Variants in GALP observed in about 807,000 individuals in gnomAD.
GALP encodes the protein galanin like peptide.
In GALP, 12 loss-of-function variants were observed where a neutral mutation model predicts 15.2. That is an observed-to-expected ratio of 0.79 (90% CI 0.51 to 1.28). GALP has a LOEUF of 1.28. Among genes scored for constraint, GALP ranks in the 50% most tolerant of loss-of-function variants. The pLI, the probability that GALP is intolerant of heterozygous loss-of-function variation, is 0.00. For missense variants in GALP, 161 were observed against 145.6 expected (o/e 1.11, Z -0.55); for synonymous variants, 58 against 55.1 (o/e 1.05, Z -0.23).
Position 56,176,082 on chromosome 19 carries a change from G to C in GALP, c.-40+20G>C. 6.0e-6 allele frequency: 1 copy of C among 167,800 alleles called. No homozygotes were observed. The highest frequency in any genetic ancestry group is 1.3e-5 in the Non-Finnish European group (1 of 78,246). The allele number at this position is 167,800 out of a possible 1,614,324, so 10.4% of individuals were successfully genotyped here. A position where few individuals can be genotyped will look rare whatever the true frequency, so the allele number is the denominator to read the frequency against. On this transcript the variant is annotated intron_variant, in intron 1 of 5. Coordinates refer to ENST00000357330, the MANE Select transcript of GALP (RefSeq NM_033106.4). ...AGCGGGGTGAGAGCCTAGGCCAGGA[G>C]GGCAGAGGGGCGGATCCCAGCTGCA...
chr19:56,182,266 G>A lies in GALP; in HGVS notation c.217+14G>A, dbSNP rs374359432. The stretch of plus-strand genomic sequence containing the variant: ...GGAAGGCCATCGGTGAGTGAGCGGG[G>A]AGTTAGACGTCTTCTCCTGCGTCCT... On this transcript the variant is annotated intron_variant, in intron 4 of 5. Transcript: ENST00000357330. 11 of 1,596,630 alleles carry A rather than the reference G, an allele frequency of 6.9e-6. No individual in the cohort carries two copies. The East Asian group carries it at 2.5e-4, about 36-fold the overall frequency.
rs3745833 is a variant in GALP, at chr19:56,182,251, C to G, written c.216C>G (p.Ile72Met). ...AGATCCTAGACCTGTGGAAGGCCAT[C>G]GGTGAGTGAGCGGGGAGTTAGACGT... is the stretch of plus-strand genomic sequence containing the variant. ...ALEILDLWKA[I>M]DGLPYSHPPQ... The change falls in exon 4 of 6, where the codon ATC becomes ATG. Residue 72 changes from isoleucine to methionine, a missense_variant and splice_region_variant. Transcript: ENST00000357330. 0.35 allele frequency: 563,340 copies of G among 1,608,358 alleles called. 100,043 individuals are homozygous for G. The highest frequency in any genetic ancestry group is 0.36 in the Non-Finnish European group (422,909 of 1,175,098).
intron 5 of GALP, among the ~76,000 whole-genome samples, chr19:56,184,374 C>T (rs1456581690): frequency 6.6e-6 from 1 of 152,146 alleles, no homozygotes; most frequent in Non-Finnish European, 1.5e-5. Flanking sequence ...CCTTCCCACC[C>T]AATCATGAGC....
At chr19:56,181,922 A>T (rs2032573310) in intron 3 of GALP, among the ~76,000 whole-genome samples, 1 of 152,084 alleles carries the variant, frequency 6.6e-6, no homozygotes, top group Non-Finnish European at 1.5e-5. Flanking sequence ...AGAACGTGAG[A>T]TGTGGACCCA....
Position 56,182,041 on chromosome 19 carries a change from C to T in GALP, c.137-131C>T. 9.9e-6 allele frequency: 7 copies of T among 703,546 alleles called. No individual in the cohort carries two copies. The South Asian group carries it at 1.1e-4, about 12-fold the overall frequency. The allele number at this position is 703,546 out of a possible 1,614,324, so 43.6% of individuals were successfully genotyped here. A position where few individuals can be genotyped will look rare whatever the true frequency, so the allele number is the denominator to read the frequency against. Reference sequence around the variant, plus strand: ...CCCACCGGTAGGTAGGGACGGTCAACACGCACCCCGTCCGACAGACTTGGT... The same window carrying T: ...CCCACCGGTAGGTAGGGACGGTCAATACGCACCCCGTCCGACAGACTTGGT... On this transcript the variant is annotated intron_variant, in intron 3 of 5. Transcript: ENST00000357330.
rs76950848 is a variant in GALP at position 56,185,463 on chromosome 19, A to G, written c.*193A>G. 943 of 491,292 alleles carry G rather than the reference A, an allele frequency of 1.9e-3. 1 individual carries two copies. Among genetic ancestry groups the G allele is most frequent in the Non-Finnish European group, 2.9e-3 (813 of 282,374 alleles). The allele number at this position is 491,292 out of a possible 1,614,324, so 30.4% of individuals were successfully genotyped here. A position where few individuals can be genotyped will look rare whatever the true frequency, so the allele number is the denominator to read the frequency against. On this transcript the variant is annotated 3_prime_UTR_variant, in exon 6 of 6. Transcript: ENST00000357330. Reference sequence around the variant, plus strand: ...TAGGTTTTATTGATTCATCCTTGAAATCAGTATAATGTGCTATTAATGGAA... The same window carrying G: ...TAGGTTTTATTGATTCATCCTTGAAGTCAGTATAATGTGCTATTAATGGAA...
intron 3 of GALP, among the ~76,000 whole-genome samples, chr19:56,180,915 CTTT>C (rs1174325788): frequency 0.012 from 487 of 40,082 alleles, 5 homozygotes; most frequent in African/African-American, 0.041. Flanking sequence ...TTCTTTCTTT[CTTT>C]TTTTTTTTTT....
intron 2 of GALP, among the ~76,000 whole-genome samples, chr19:56,178,082 T>C (rs768670718): frequency 4.6e-5 from 7 of 152,154 alleles, no homozygotes; most frequent in Non-Finnish European, 7.4e-5. Flanking sequence ...GGTAATTACC[T>C]TGATGGAGTC....
chr19:56,185,321 C>T lies in GALP; in HGVS notation c.*51C>T, dbSNP rs538524358. The T allele has an allele frequency of 6.1e-6, 7 of 1,145,458 alleles. No homozygotes were observed. Among genetic ancestry groups the T allele is most frequent in the African/African-American group, 1.6e-5 (1 of 64,484 alleles). The allele number at this position is 1,145,458 out of a possible 1,614,324, so 71.0% of individuals were successfully genotyped here. A position where few individuals can be genotyped will look rare whatever the true frequency, so the allele number is the denominator to read the frequency against. ...CTTCTTCTCCAGCTCCTCCTGCTCC[C>T]TCTGAAACCTTTTCTAGGTACCCTA... On this transcript the variant is annotated 3_prime_UTR_variant, in exon 6 of 6. Transcript: ENST00000357330.
At chr19:56,178,109 G>A (rs1025646444) in intron 2 of GALP, among the ~76,000 whole-genome samples, 3 of 151,340 alleles carry the variant, frequency 2.0e-5, no homozygotes, top group South Asian at 4.2e-4. Context: ...CAGTGTAGCC[G>A]TATTTCCACA....
intron 2 of GALP, among the ~76,000 whole-genome samples, chr19:56,179,872 G>A (rs191676717): frequency 5.3e-5 from 8 of 152,160 alleles, no homozygotes; most frequent in African/African-American, 9.6e-5. Context: ...TGCAATCCCC[G>A]CTCACTGCAA....
intron 2 of GALP, among the ~76,000 whole-genome samples, chr19:56,179,863 G>T (rs1371649366): frequency 6.6e-6 from 1 of 152,030 alleles, no homozygotes; most frequent in Non-Finnish European, 1.5e-5. Context: ...GCGCAGTGGT[G>T]CAATCCCCGC....
chr19:56,181,730 T>A (rs2032570921), intron 3 of GALP, among the ~76,000 whole-genome samples: 1 of 152,132 alleles, frequency 6.6e-6, no homozygotes, highest in South Asian at 2.1e-4. Flanking sequence ...TTTCCTCCAT[T>A]TGTCTCTCCC....
At chr19:56,183,579 C>G (rs1206168412) in intron 5 of GALP, among the ~76,000 whole-genome samples, 1 of 152,088 alleles carries the variant, frequency 6.6e-6, no homozygotes, top group Non-Finnish European at 1.5e-5. Context: ...TCACTTTGAC[C>G]TCATGGTTCA....
At chr19:56,183,454 C>T (rs1485793735) in intron 5 of GALP, among the ~76,000 whole-genome samples, 3 of 152,188 alleles carry the variant, frequency 2.0e-5, no homozygotes, top group African/African-American at 7.2e-5. Flanking sequence ...TTCCAACTCT[C>T]ATTTCCCAGC....
At chr19:56,182,093 C>G in intron 3 of GALP, 79 bp from the exon 4 acceptor site, 1 of 1,000,892 alleles carries the variant, frequency 1.0e-6, no homozygotes, top group Non-Finnish European at 1.6e-6. Flanking sequence ...GTGAGCCATG[C>G]TGTTGAATTG....
At chr19:56,178,994 G>A (rs567863685) in intron 2 of GALP, among the ~76,000 whole-genome samples, 1 of 152,254 alleles carries the variant, frequency 6.6e-6, no homozygotes, top group East Asian at 1.9e-4. Flanking sequence ...GGCCAACATG[G>A]CGAAACCCCC....
At chr19:56,185,019 G>C (rs1480226462) in intron 5 of GALP, among the ~76,000 whole-genome samples, 196 bp from the exon 6 acceptor site, 2 of 152,070 alleles carry the variant, frequency 1.3e-5, no homozygotes, top group Admixed American at 6.5e-5. Flanking sequence ...AGAGAGAAGG[G>C]GCCAGGCACG....
chr19:56,184,265 T>C (rs939171136), intron 5 of GALP, among the ~76,000 whole-genome samples: 1 of 152,020 alleles, frequency 6.6e-6, no homozygotes, highest in Non-Finnish European at 1.5e-5. Flanking sequence ...ACCGTTGTAT[T>C]GTTCACTGCC....
Sources: allele counts gnomAD v4.1 joint callset (sites outside exome capture counted in the v4.1 genomes callset), GRCh38; gene constraint gnomAD v4.1.1; transcripts MANE v1.5; gene names NCBI Gene and HGNC (gene_info 2026-07-23, HGNC 2026-07-21).